Variants in TRIO observed in about 807,000 individuals in gnomAD.
The protein encoded by TRIO is trio Rho guanine nucleotide exchange factor.
A neutral mutation model predicts 351.9 loss-of-function variants in TRIO; 58 were observed. The observed-to-expected ratio is 0.16, with a 90% CI of 0.13 to 0.21. The LOEUF is 0.21. Among genes scored for constraint, TRIO ranks in the 10% least tolerant of loss-of-function variants. TRIO has a pLI of 1.00. For synonymous variants in TRIO, 1,758 were observed against 1,595.7 expected (o/e 1.10, Z -2.42); for missense variants, 3,201 against 4,027.8 (o/e 0.79, Z 5.56).
At chr5:14,231,183 C>A (rs1308247130) in intron 1 of TRIO, among the ~76,000 whole-genome samples, 2 of 152,194 alleles carry the variant, frequency 1.3e-5, no homozygotes, top group Non-Finnish European at 2.9e-5. Context: ...CTGAAAAAGT[C>A]CATTTTAAAA....
chr5:14,282,337 TA>T (rs537555063), intron 3 of TRIO, among the ~76,000 whole-genome samples: 328 of 149,454 alleles, frequency 2.2e-3, no homozygotes, highest in African/African-American at 7.1e-3. Context: ...AGGGCAGGGT[TA>T]AAAAAAAAAT....
chr5:14,488,850 G>C (rs374444996), intron 48 of TRIO: 1 of 706,294 alleles, frequency 1.4e-6, no homozygotes. Context: ...GACAGAGACT[G>C]CTCTGGGCAC....
intron 4 of TRIO, 136 bp downstream of exon 4, chr5:14,287,199 A>G: frequency 1.2e-6 from 1 of 814,174 alleles, no homozygotes; most frequent in South Asian, 1.8e-5. Context: ...TGTGATACGT[A>G]AAATTAGTTA....
chr5:14,417,089 A>T (rs976842693), intron 33 of TRIO, among the ~76,000 whole-genome samples: 2 of 152,216 alleles, frequency 1.3e-5, no homozygotes, highest in African/African-American at 2.4e-5. Flanking sequence ...AAGTCACGGG[A>T]CTAACCACTC....
chr5:14,455,244 T>C (rs1753189296), intron 34 of TRIO, among the ~76,000 whole-genome samples: 1 of 152,184 alleles, frequency 6.6e-6, no homozygotes, highest in African/African-American at 2.4e-5. Context: ...TCCTGCTGAT[T>C]GGTCCATTTT....
chr5:14,455,113 G>C (rs1753173790), intron 34 of TRIO, among the ~76,000 whole-genome samples: 1 of 152,194 alleles, frequency 6.6e-6, no homozygotes, highest in African/African-American at 2.4e-5. Flanking sequence ...GACCCAAAGA[G>C]TGAGTAGCAG....
chr5:14,420,978 A>G (rs1414009810), intron 34 of TRIO, among the ~76,000 whole-genome samples: 6 of 152,208 alleles, frequency 3.9e-5, no homozygotes, highest in African/African-American at 1.4e-4. Context: ...CTTCGTCCGG[A>G]AAACTTCTGG....
chr5:14,275,893 T>A, intron 2 of TRIO, among the ~76,000 whole-genome samples: 1 of 145,878 alleles, frequency 6.9e-6, no homozygotes, highest in Non-Finnish European at 1.5e-5. Context: ...TGTTTATATA[T>A]ATGTGTTTAT....
Position 14,353,999 on chromosome 5 carries a change from C to G in TRIO, c.2047-4179C>G, listed in dbSNP as rs181075098. ...CCCACCCAAATGGCCAGCCTGCCCC[C>G]CTTCCTGTACCACGAGTTGGGTCCT... On this transcript the variant is annotated intron_variant, in intron 11 of 56. Transcript: ENST00000344204. 1.8e-4 allele frequency among the ~76,000 whole-genome samples: 27 copies of G among 152,358 alleles called. No homozygotes were observed. In the South Asian group the frequency reaches 4.1e-3, roughly 23 times the overall value.
intron 4 of TRIO, among the ~76,000 whole-genome samples, chr5:14,289,400 CAAAA>C (rs918338338): frequency 4.0e-5 from 6 of 151,896 alleles, no homozygotes; most frequent in Admixed American, 2.0e-4. Flanking sequence ...AACAAACAAA[CAAAA>C]ATCACCAGGT....
At chr5:14,358,498 C>A in intron 12 of TRIO, 151 bp downstream of exon 12, 1 of 786,506 alleles carries the variant, frequency 1.3e-6, no homozygotes, top group Non-Finnish European at 1.9e-6. Flanking sequence ...GAGAGAGAAA[C>A]GGCTCTCTTC....
chr5:14,228,329 G>A (rs1793176670), intron 1 of TRIO, among the ~76,000 whole-genome samples: 1 of 152,230 alleles, frequency 6.6e-6, no homozygotes, highest in Admixed American at 6.5e-5. Context: ...ATTGGAGACT[G>A]TTCCCTGCCG....
At chr5:14,390,839 A>G in intron 26 of TRIO, 62 bp from the exon 27 acceptor site, 3 of 1,410,572 alleles carry the variant, frequency 2.1e-6, no homozygotes, top group South Asian at 2.7e-5. Context: ...TTTCTATATG[A>G]AAGTTTATCA....
chr5:14,218,125 AAAGT>A (rs988818221), intron 1 of TRIO, among the ~76,000 whole-genome samples: 7 of 152,162 alleles, frequency 4.6e-5, no homozygotes, highest in African/African-American at 1.2e-4. Context: ...CAACTTTTGC[AAAGT>A]AAGTAAGTTT....
At chr5:14,392,789 G>A (rs1747210447) in intron 27 of TRIO, among the ~76,000 whole-genome samples, 1 of 152,218 alleles carries the variant, frequency 6.6e-6, no homozygotes, top group Non-Finnish European at 1.5e-5. Flanking sequence ...GCTCACGCCT[G>A]TAATCCCAGC....
intron 52 of TRIO, 122 bp downstream of exon 52, chr5:14,498,373 C>T (rs915922265): frequency 1.5e-5 from 23 of 1,508,360 alleles, no homozygotes; most frequent in South Asian, 1.0e-4. Context: ...CCACTTCTTC[C>T]GTGAGAGCCC....
chr5:14,363,933 A>G lies in TRIO; in HGVS notation c.2587+6A>G, dbSNP rs747395951. 4 of 1,611,860 alleles carry G rather than the reference A, an allele frequency of 2.5e-6. No individual in the cohort carries two copies. The highest frequency in any genetic ancestry group is 3.3e-5 in the Admixed American group (2 of 59,854). On this transcript the variant is annotated splice_donor_region_variant and intron_variant, in intron 14 of 56. Transcript: ENST00000344204. ...CAATGAGGTCCAGGCCTCTGGTAAG[A>G]GGGCTCACTCCATCTGTGTCCGTTG...
intron 33 of TRIO, 136 bp from the exon 34 acceptor site, chr5:14,419,642 G>A: frequency 8.4e-7 from 1 of 1,192,778 alleles, no homozygotes; most frequent in African/African-American, 1.5e-5. Flanking sequence ...AGAGTGCAGT[G>A]ATCACACAAC....
At chr5:14,243,123 C>T (rs1794228034) in intron 1 of TRIO, among the ~76,000 whole-genome samples, 1 of 152,094 alleles carries the variant, frequency 6.6e-6, no homozygotes, top group Non-Finnish European at 1.5e-5. Flanking sequence ...GTGTTGAAGC[C>T]AGTGAAGAAT....
Sources: allele counts gnomAD v4.1 joint callset (sites outside exome capture counted in the v4.1 genomes callset), GRCh38; gene constraint gnomAD v4.1.1; transcripts MANE v1.5; gene names NCBI Gene and HGNC (gene_info 2026-07-23, HGNC 2026-07-21).